Variants in CTNNA3 observed in about 807,000 individuals in gnomAD.
The protein encoded by CTNNA3 is catenin alpha-3.
CTNNA3 carries 76 observed loss-of-function variants against 95.7 expected under a neutral mutation model. That is an observed-to-expected ratio of 0.79 (90% CI 0.66 to 0.96). The LOEUF is 0.96. Among genes scored for constraint, CTNNA3 ranks in the 40% least tolerant of loss-of-function variants. CTNNA3 has a pLI of 0.00. For synonymous variants in CTNNA3, 431 were observed against 374.4 expected, an observed-to-expected ratio of 1.15 and a Z score of -1.74; for missense variants, 1,191 against 1,089.8, an observed-to-expected ratio of 1.09 and a Z score of -1.31.
intron 1 of CTNNA3, among the ~76,000 whole-genome samples, chr10:67,668,832 CTTT>C (rs869150567): frequency 0.021 from 1,874 of 90,036 alleles, 19 homozygotes; most frequent in African/African-American, 0.08. Context: ...TACTGTGTTT[CTTT>C]TTTTTTTTTT....
At chr10:66,044,092 T>A (rs2079767900) in intron 15 of CTNNA3, among the ~76,000 whole-genome samples, 2 of 151,916 alleles carry the variant, frequency 1.3e-5, no homozygotes, top group Non-Finnish European at 2.9e-5. Context: ...CCTCCCAGGT[T>A]CAAGCGATTC....
At chr10:67,633,240 T>C (rs1026818565) in intron 2 of CTNNA3, among the ~76,000 whole-genome samples, 2 of 151,994 alleles carry the variant, frequency 1.3e-5, no homozygotes, top group African/African-American at 4.8e-5. Flanking sequence ...CTCCCTGGGA[T>C]GGAGCTCTCA....
chr10:66,284,162 A>G (rs1047095946), intron 12 of CTNNA3, among the ~76,000 whole-genome samples: 13 of 151,856 alleles, frequency 8.6e-5, no homozygotes, highest in African/African-American at 3.1e-4. Flanking sequence ...CCAAATTCAG[A>G]ACCAGTTCTG....
chr10:66,182,057 T>C (rs534944197), intron 13 of CTNNA3, among the ~76,000 whole-genome samples: 154 of 152,304 alleles, frequency 1.0e-3, no homozygotes, highest in African/African-American at 3.6e-3. Flanking sequence ...GTATTGTTGA[T>C]ATCCTAACAA....
chr10:66,278,066 A>T (rs149975661), intron 13 of CTNNA3, among the ~76,000 whole-genome samples: 40 of 151,298 alleles, frequency 2.6e-4, no homozygotes, highest in African/African-American at 8.5e-4. Flanking sequence ...GATAAATTCA[A>T]CAACCAAACC....
chr10:67,387,699 G>C (rs1418910284), intron 5 of CTNNA3, among the ~76,000 whole-genome samples: 3 of 152,186 alleles, frequency 2.0e-5, no homozygotes, highest in Non-Finnish European at 4.4e-5. Context: ...CTCCCAGCAC[G>C]CAGCTGGAGA....
At chr10:66,278,733 T>C (rs2091443121) in intron 13 of CTNNA3, among the ~76,000 whole-genome samples, 1 of 152,128 alleles carries the variant, frequency 6.6e-6, no homozygotes, top group African/African-American at 2.4e-5. Context: ...CTGGTTCCCC[T>C]GTGCTATCTC....
At chr10:66,714,975 G>T (rs1335279924) in intron 9 of CTNNA3, among the ~76,000 whole-genome samples, 1 of 151,922 alleles carries the variant, frequency 6.6e-6, no homozygotes, top group Non-Finnish European at 1.5e-5. Flanking sequence ...CAGTGTTTTA[G>T]TCATATAAAT....
At chr10:66,476,346 C>T in intron 11 of CTNNA3, among the ~76,000 whole-genome samples, 1 of 152,018 alleles carries the variant, frequency 6.6e-6, no homozygotes, top group East Asian at 1.9e-4. Flanking sequence ...AACTGCACAT[C>T]CTGCACATTT....
chr10:67,501,602 G>A (rs10997676), intron 5 of CTNNA3, among the ~76,000 whole-genome samples: 25,593 of 151,902 alleles, frequency 0.17, 3,390 homozygotes, highest in East Asian at 0.35. Context: ...AGATATATCA[G>A]TCAAACGTAG....
chr10:67,584,396 G>A (rs377457324), intron 3 of CTNNA3, among the ~76,000 whole-genome samples: 8 of 152,130 alleles, frequency 5.3e-5, no homozygotes, highest in African/African-American at 7.2e-5. Flanking sequence ...ATGGCAGAAC[G>A]GCAAATGTTG....
At chr10:66,671,224 A>G (rs1388179023) in intron 9 of CTNNA3, among the ~76,000 whole-genome samples, 1 of 152,188 alleles carries the variant, frequency 6.6e-6, no homozygotes, top group African/African-American at 2.4e-5. Context: ...ATATGTTATA[A>G]GAGCATTAAT....
chr10:66,565,766 C>G lies in CTNNA3; in HGVS notation c.1375-44993G>C, dbSNP rs190177524. Among the ~76,000 whole-genome samples the G allele has an allele frequency of 5.8e-4, 88 of 152,246 alleles. No individual in the cohort carries two copies. In the Middle Eastern group the frequency reaches 0.017, roughly 29 times the overall value. ...GTATAGGCTTTCCGAGCTCTGAGCT[C>G]CTTCCTCTCATTGCACTGATCTCTC... is the stretch of plus-strand genomic sequence containing the variant. On this transcript the variant is annotated intron_variant, in intron 10 of 17. Transcript: ENST00000433211.
chr10:66,915,267 A>G (rs1362615701), intron 7 of CTNNA3, among the ~76,000 whole-genome samples: 1 of 152,068 alleles, frequency 6.6e-6, no homozygotes, highest in East Asian at 1.9e-4. Context: ...AAAGTATCAT[A>G]CAGAGGAAAA....
At chr10:66,057,855 T>A (rs906283434) in intron 15 of CTNNA3, among the ~76,000 whole-genome samples, 11 of 152,174 alleles carry the variant, frequency 7.2e-5, no homozygotes, top group Non-Finnish European at 1.2e-4. Context: ...ATAATCCTCT[T>A]ATCCCATATT....
chr10:66,411,114 T>C (rs1226907965), intron 11 of CTNNA3, among the ~76,000 whole-genome samples: 1 of 152,206 alleles, frequency 6.6e-6, no homozygotes, highest in Non-Finnish European at 1.5e-5. Flanking sequence ...CTAACAGTGT[T>C]TGAAAATTAA....
intron 13 of CTNNA3, chr10:66,118,316 C>T (rs1049563780): frequency 6.6e-6 from 1 of 152,086 alleles, no homozygotes; most frequent in Non-Finnish European, 1.5e-5. Flanking sequence ...TCACCAGGGC[C>T]AAGCCATGCA....
chr10:66,408,632 T>C (rs1435789370), intron 11 of CTNNA3, among the ~76,000 whole-genome samples: 1 of 152,190 alleles, frequency 6.6e-6, no homozygotes, highest in Non-Finnish European at 1.5e-5. Flanking sequence ...TATATAAATA[T>C]TCCTCCAACT....
chr10:66,851,658 ACACACACACACACG>A (rs1339628410), intron 7 of CTNNA3, among the ~76,000 whole-genome samples: 3 of 92,240 alleles, frequency 3.3e-5, no homozygotes, highest in Non-Finnish European at 7.7e-5. Flanking sequence ...ACACACACAC[ACACACACACACACG>A]CCATGTGATA....
Sources: allele counts gnomAD v4.1 joint callset (sites outside exome capture counted in the v4.1 genomes callset), GRCh38; gene constraint gnomAD v4.1.1; transcripts MANE v1.5; gene names NCBI Gene and HGNC (gene_info 2026-07-23, HGNC 2026-07-21).